SPG11: variants seen among roughly 807,000 people sequenced by gnomAD.
SPG11 encodes the protein SPG11 vesicle trafficking associated, spatacsin, also known as spatacsin.
A neutral mutation model predicts 274.0 loss-of-function variants in SPG11; 222 were observed. That is an observed-to-expected ratio of 0.81 (90% confidence interval 0.73 to 0.91). SPG11 has a LOEUF of 0.91. SPG11 is among the 40% of genes least tolerant of loss of function. The pLI is 0.00. For missense variants in SPG11, 3,114 were observed against 2,872.7 expected, an observed-to-expected ratio of 1.08 and a Z score of -1.92; for synonymous variants, 1,144 against 1,039.7, an observed-to-expected ratio of 1.10 and a Z score of -1.93.
At chr15:44,636,344 T>C (rs1387812715) in intron 7 of SPG11, among the ~76,000 whole-genome samples, 1 of 151,812 alleles carries the variant, frequency 6.6e-6, no homozygotes, top group South Asian at 2.1e-4. Context: ...TATCAATGAA[T>C]AGAATATTCT....
At chr15:44,654,998 GTAA>G (rs553331806) in intron 4 of SPG11, among the ~76,000 whole-genome samples, 81 of 152,322 alleles carry the variant, frequency 5.3e-4, no homozygotes, top group African/African-American at 1.8e-3. Flanking sequence ...CTGTACTGCT[GTAA>G]TAATATCATG....
Position 44,608,469 on chromosome 15 carries a change from T to A in SPG11, c.3428A>T (p.Asp1143Val), listed in dbSNP as rs2083378392. Residue 1143 changes from aspartate to valine, a missense_variant, in exon 19 of 40, where the codon GAT (aspartate) becomes GTT (valine). Transcript: ENST00000261866. ...CTGAATAAGGTGGTAGATTGTAATA[T>A]CAGATGGCAGGACACTAGGAGGAGT... ...QCTPPSVLPS[D>V]ITIYHLIQSL... 6.2e-7 allele frequency: 1 copy of A among 1,613,978 alleles called. No homozygotes were observed. The highest frequency in any genetic ancestry group is 1.3e-5 in the African/African-American group (1 of 74,912).
At chr15:44,615,206 A>G (rs567251311) in intron 16 of SPG11, among the ~76,000 whole-genome samples, 157 bp downstream of exon 16, 8 of 152,236 alleles carry the variant, frequency 5.3e-5, no homozygotes, top group African/African-American at 1.9e-4. Context: ...ACTGAACTCA[A>G]AGATGTACCA....
chr15:44,586,332 T>C (rs1054462544), intron 28 of SPG11, among the ~76,000 whole-genome samples: 4 of 152,178 alleles, frequency 2.6e-5, no homozygotes, highest in African/African-American at 7.2e-5. Flanking sequence ...CTGAACTTGC[T>C]TGTCATATAG....
Position 44,562,814 on chromosome 15 carries a change from C to T in SPG11, c.*307G>A, listed in dbSNP as rs563289853. ...TCTTTGAAACTGGAATCTGCAGGTA[C>T]AGGTATTCTTTAATCATTATTGGAT... On this transcript the variant is annotated 3_prime_UTR_variant, in exon 40 of 40. Transcript: ENST00000261866. 2 of 285,992 alleles carry T rather than the reference C, an allele frequency of 7.0e-6. No homozygotes were observed. The highest frequency in any genetic ancestry group is 4.8e-5 in the Admixed American group (1 of 20,820). 17.7% of individuals were successfully genotyped at this position (285,992 alleles called of 1,614,324 possible). A position where few individuals can be genotyped will look rare whatever the true frequency, so the allele number is the denominator to read the frequency against.
Position 44,598,720 on chromosome 15 carries a change from A to G in SPG11, c.3803T>C (p.Leu1268Pro), listed in dbSNP as rs1036205200. 1 of 1,614,078 alleles carries G rather than the reference A, an allele frequency of 6.2e-7. No individual in the cohort carries two copies. Among genetic ancestry groups the G allele is most frequent in the Non-Finnish European group, 8.5e-7 (1 of 1,180,044 alleles). ...LELLGLDSLK[L>P]RVDMKVANII... is the part of the protein sequence containing the mutation. ...ATTGGCCACTTTCATATCAACTCTG[A>G]GCTTGAGGCTGTCAAGGCCAAGCAA... Residue 1268 changes from leucine to proline, a missense_variant, in exon 22 of 40, where the codon CTC (leucine) becomes CCC (proline). By Grantham distance (98) the Leu-to-Pro change is moderately conservative. Coordinates refer to ENST00000261866, the MANE Select transcript of SPG11 (RefSeq NM_025137.4).
rs1272830874 is a variant in SPG11, at chr15:44,657,299, TTTAG to T, written c.668-7_668-4del. The T allele has an allele frequency of 6.2e-7, 1 of 1,614,144 alleles. No homozygotes were observed. The highest frequency in any genetic ancestry group is 1.7e-5 in the Admixed American group (1 of 60,030). On this transcript the variant is annotated splice_region_variant and splice_polypyrimidine_tract_variant and intron_variant, in intron 3 of 39. Coordinates refer to ENST00000261866, the MANE Select transcript of SPG11 (RefSeq NM_025137.4). ...ACCATCCACAACATCAAAAATGTCT[TTTAG>T]TTAGAGTTAAAAGAAAATGCCAGTT...
In SPG11 at chr15:44,573,630, G is replaced by A; in HGVS notation, c.6122C>T (p.Thr2041Ile). Residue 2041 changes from threonine (T) to isoleucine (I), a missense_variant, in exon 32 of 40, where the codon ACA becomes ATA. Coordinates refer to ENST00000261866, the MANE Select transcript of SPG11 (RefSeq NM_025137.4). ...CACAGTATCTGGCTTAAGGCCCTGT[G>A]TGCTGATGAAGGCCTGGGCTCGTTT... ...RCKRAQAFIS[T>I]QGLKPDTVAE... 1.9e-6 allele frequency: 3 copies of A among 1,614,194 alleles called. No homozygotes were observed. Among genetic ancestry groups the A allele is most frequent in the Non-Finnish European group, 2.5e-6 (3 of 1,180,046 alleles).
At chr15:44,596,649 C>T (rs938225902) in intron 24 of SPG11, 135 bp downstream of exon 24, 39 of 691,002 alleles carry the variant, frequency 5.6e-5, no homozygotes, top group Middle Eastern at 4.7e-4. Flanking sequence ...GTATCCAGTA[C>T]GTATCCTGGT....
intron 8 of SPG11, among the ~76,000 whole-genome samples, chr15:44,630,984 C>CAGTGGAA (rs1225944851): frequency 1.3e-5 from 2 of 152,152 alleles, no homozygotes; most frequent in Non-Finnish European, 2.9e-5. Flanking sequence ...AATACTACAT[C>CAGTGGAA]AGTGGAAAAA....
chr15:44,589,189 A>C, intron 28 of SPG11, 63 bp downstream of exon 28: 1 of 1,562,636 alleles, frequency 6.4e-7, no homozygotes, highest in Non-Finnish European at 8.8e-7. Flanking sequence ...ACCCCTCTAA[A>C]GTATTTTCAA....
intron 15 of SPG11, among the ~76,000 whole-genome samples, chr15:44,618,283 C>T (rs192292829): frequency 3.3e-5 from 5 of 151,004 alleles, no homozygotes; most frequent in South Asian, 4.2e-4. Context: ...CCAAGGCAGG[C>T]GGATCACGAG....
chr15:44,590,087 G>A lies in SPG11; in HGVS notation c.4744-673C>T, dbSNP rs1336716157. On this transcript the variant is annotated intron_variant, in intron 27 of 39. Transcript: ENST00000261866. ...CTCCCAAAGTGCTGGGATTACAGGC[G>A]TAAGCCACCGTGCCTGGCCTAGCAA... Among the ~76,000 whole-genome samples, 6 of 152,128 alleles carry A rather than the reference G, an allele frequency of 3.9e-5. No individual in the cohort carries two copies. In the East Asian group the frequency reaches 5.8e-4, roughly 15 times the overall value.
At chr15:44,640,378 C>G (rs972238560) in intron 7 of SPG11, among the ~76,000 whole-genome samples, 2 of 151,996 alleles carry the variant, frequency 1.3e-5, no homozygotes, top group South Asian at 2.1e-4. Flanking sequence ...GCCCCGCCCC[C>G]CAAAAGACAA....
intron 24 of SPG11, 144 bp from the exon 25 acceptor site, chr15:44,596,499 G>T (rs2140972615): frequency 1.9e-6 from 2 of 1,027,146 alleles, no homozygotes; most frequent in East Asian, 2.6e-5. Flanking sequence ...TTACAAAGCT[G>T]TATGGTGCCT....
chr15:44,656,638 T>C (rs972351936), intron 4 of SPG11, among the ~76,000 whole-genome samples: 6 of 152,120 alleles, frequency 3.9e-5, no homozygotes, highest in African/African-American at 9.7e-5. Flanking sequence ...ACTTCAAATA[T>C]TGATAATGCC....
At chr15:44,590,253 G>A (rs761124189) in intron 27 of SPG11, among the ~76,000 whole-genome samples, 1 of 152,164 alleles carries the variant, frequency 6.6e-6, no homozygotes, top group Non-Finnish European at 1.5e-5. Flanking sequence ...GTTAGAGAAC[G>A]GTCTCAGTTA....
Position 44,596,866 on chromosome 15 carries a change from G to A in SPG11, c.4079C>T (p.Ser1360Phe), listed in dbSNP as rs750109855. 4.3e-6 allele frequency: 7 copies of A among 1,613,770 alleles called. No individual in the cohort carries two copies. In the South Asian group the frequency reaches 5.5e-5, roughly 13 times the overall value. The part of the protein sequence containing the change: ...CRLHNMKLSI[S>F]YLRECAKAND... The stretch of plus-strand genomic sequence containing the variant: ...TGCTTTGGCACATTCTCTAAGGTAA[G>A]ATATGCTTAGTTTCATATTGTGTAG... Residue 1360 changes from serine to phenylalanine, a missense_variant, in exon 24 of 40, where the codon TCT (serine) becomes TTT (phenylalanine). Ser to Phe is a radical substitution (Grantham distance 155). Transcript: ENST00000261866.
In SPG11 at chr15:44,563,038, A is replaced by C. The variant is rs2082224368; in HGVS notation, c.*83T>G. Reference sequence around the variant, plus strand: ...AGTACCGGGATTGTTCAACTTTAGCAAAGATCTCCAATGCATTCTTCTTCT... The same window carrying C: ...AGTACCGGGATTGTTCAACTTTAGCCAAGATCTCCAATGCATTCTTCTTCT... On this transcript the variant is annotated 3_prime_UTR_variant, in exon 40 of 40. Coordinates refer to ENST00000261866, the MANE Select transcript of SPG11 (RefSeq NM_025137.4). 4 of 1,411,924 alleles carry C rather than the reference A, an allele frequency of 2.8e-6. No homozygotes were observed. The South Asian group carries it at 3.5e-5, about 12-fold the overall frequency. 87.5% of individuals were successfully genotyped at this position (1,411,924 alleles called of 1,614,324 possible). A position where few individuals can be genotyped will look rare whatever the true frequency, so the allele number is the denominator to read the frequency against.
Sources: gnomAD v4.1 joint callset for allele counts (sites outside exome capture counted in the v4.1 genomes callset) on GRCh38, gnomAD v4.1.1 for gene constraint, MANE v1.5 for transcripts, NCBI Gene and HGNC (gene_info 2026-07-23, HGNC 2026-07-21) for gene names.